The following TLN2 variants were observed in gnomAD, a reference collection of about 807,000 sequenced individuals.
TLN2 encodes the protein talin-2.
Under a neutral mutation model 294.7 loss-of-function variants are expected in TLN2, and 118 were observed. That is an observed-to-expected ratio of 0.40 (90% CI 0.34 to 0.47). The LOEUF (loss-of-function observed/expected upper bound fraction) is 0.47. TLN2 is among the 20% of genes least tolerant of loss of function. TLN2 has a pLI of 0.84. For missense variants in TLN2, 3,083 were observed against 3,282.2 expected (o/e 0.94, Z 1.48); for synonymous variants, 1,431 against 1,304.5 (o/e 1.10, Z -2.09).
chr15:62,721,195 G>T (rs1485224197), intron 25 of TLN2, among the ~76,000 whole-genome samples: 1 of 152,162 alleles, frequency 6.6e-6, no homozygotes, highest in Non-Finnish European at 1.5e-5. Flanking sequence ...TGAATTGACA[G>T]ATCAAAAAGT....
chr15:62,780,412 C>T (rs1378228011), intron 43 of TLN2, among the ~76,000 whole-genome samples: 1 of 152,176 alleles, frequency 6.6e-6, no homozygotes, highest in East Asian at 1.9e-4. Flanking sequence ...CTGGAAGTTA[C>T]CACTGAAGGA....
chr15:62,722,385 C>T lies in TLN2; in HGVS notation c.3024C>T (p.Ala1008=), dbSNP rs199685886. 24 of 1,612,874 alleles carry T rather than the reference C, an allele frequency of 1.5e-5. No individual in the cohort carries two copies. The highest frequency in any genetic ancestry group is 6.7e-5 in the East Asian group (3 of 44,888). ...GCAAGATGGTGTCCTCTGCCAAAGC[C>T]GCAGTGCCCACCGTGAGTGACCAGG... The part of the protein sequence containing the change: ...PGSKMVSSAK[A]AVPTVSDQAA... The change falls in exon 26 of 59, where the codon GCC becomes GCT. Residue 1008 remains alanine (A), a synonymous_variant. Transcript: ENST00000636159.
chr15:62,629,065 C>T (rs760860920), intron 3 of TLN2, among the ~76,000 whole-genome samples: 2 of 152,086 alleles, frequency 1.3e-5, no homozygotes, highest in Non-Finnish European at 2.9e-5. Context: ...GGCATAGTAG[C>T]ACATACCTGT....
Position 62,727,263 on chromosome 15 carries a change from C to A in TLN2, c.3358+74C>A, listed in dbSNP as rs2060489087. 3.7e-6 allele frequency: 5 copies of A among 1,351,290 alleles called. No individual in the cohort carries two copies. The East Asian group carries it at 9.6e-5, about 26-fold the overall frequency. 83.7% of individuals were successfully genotyped at this position (1,351,290 alleles called of 1,614,324 possible). On this transcript the variant is annotated intron_variant, in intron 28 of 58. Coordinates refer to ENST00000636159, the MANE Select transcript of TLN2 (RefSeq NM_015059.3). ...GTGTAGTGGGGGAGGAGGAGGAGTTCATTCCTTTGACAATACACGTGACAT... is the reference window on the plus strand; with the variant it reads ...GTGTAGTGGGGGAGGAGGAGGAGTTAATTCCTTTGACAATACACGTGACAT...
chr15:62,650,366 T>C (rs921876726), intron 5 of TLN2, among the ~76,000 whole-genome samples, 185 bp downstream of exon 5: 1 of 152,214 alleles, frequency 6.6e-6, no homozygotes, highest in African/African-American at 2.4e-5. Context: ...TGAGATTCCA[T>C]AGAAGGATTG....
intron 1 of TLN2, among the ~76,000 whole-genome samples, chr15:62,442,031 AGTT>A (rs949573943): frequency 2.0e-5 from 3 of 152,112 alleles, no homozygotes; most frequent in African/African-American, 4.8e-5. Context: ...TAGTGCTGTG[AGTT>A]GTTCTAACAA....
chr15:62,589,040 T>G lies in TLN2; in HGVS notation c.-237-647T>G, dbSNP rs1002791928. Among the ~76,000 whole-genome samples, 3 of 152,088 alleles carry G rather than the reference T, an allele frequency of 2.0e-5. No individual in the cohort carries two copies. In the South Asian group the frequency reaches 6.2e-4, roughly 32 times the overall value. Reference sequence around the variant, plus strand: ...TTGATTGCACGTACTTGGGACTGTTTCATATGAATCCTGTATCTGGATGTT... The same window carrying G: ...TTGATTGCACGTACTTGGGACTGTTGCATATGAATCCTGTATCTGGATGTT... On this transcript the variant is annotated intron_variant, in intron 1 of 58. Coordinates refer to ENST00000636159, the MANE Select transcript of TLN2 (RefSeq NM_015059.3).
chr15:62,612,028 ATGACTTCAAAT>A (rs2140826064), intron 2 of TLN2, among the ~76,000 whole-genome samples: 1 of 152,262 alleles, frequency 6.6e-6, no homozygotes, highest in East Asian at 1.9e-4. Flanking sequence ...CCCCAACTTG[ATGACTTCAAAT>A]TGGGATACAG....
intron 1 of TLN2, among the ~76,000 whole-genome samples, chr15:62,493,653 C>T (rs1451438698): frequency 6.7e-6 from 1 of 149,526 alleles, no homozygotes; most frequent in African/African-American, 2.5e-5. Flanking sequence ...CTCTGTTGAC[C>T]AGGCTGGAGT....
intron 1 of TLN2, among the ~76,000 whole-genome samples, chr15:62,482,193 T>C (rs1176885225): frequency 1.3e-5 from 2 of 152,196 alleles, no homozygotes; most frequent in Non-Finnish European, 2.9e-5. Flanking sequence ...CCTTGCAATA[T>C]ATAAAAACAT....
intron 22 of TLN2, among the ~76,000 whole-genome samples, chr15:62,714,622 A>T (rs111812587): frequency 6.6e-6 from 1 of 152,208 alleles, no homozygotes; most frequent in African/African-American, 2.4e-5. Context: ...ATGAGACAAC[A>T]TTAAGTGTTT....
intron 1 of TLN2, among the ~76,000 whole-genome samples, chr15:62,430,171 A>G (rs557628792): frequency 6.6e-6 from 1 of 152,306 alleles, no homozygotes; most frequent in Non-Finnish European, 1.5e-5. Flanking sequence ...TTCTGTTGTA[A>G]GCTAGCATTT....
chr15:62,397,611 G>C (rs2032660052), intron 1 of TLN2, among the ~76,000 whole-genome samples: 1 of 152,142 alleles, frequency 6.6e-6, no homozygotes, highest in Non-Finnish European at 1.5e-5. Flanking sequence ...ATCCTGATGG[G>C]AGATCCAGAA....
At chr15:62,416,497 A>C (rs950421274) in intron 1 of TLN2, among the ~76,000 whole-genome samples, 1 of 152,204 alleles carries the variant, frequency 6.6e-6, no homozygotes, top group African/African-American at 2.4e-5. Context: ...AGCTAAGTAG[A>C]TACAACTCAT....
intron 1 of TLN2, among the ~76,000 whole-genome samples, chr15:62,589,463 C>T (rs151154455): frequency 9.1e-4 from 138 of 152,298 alleles, no homozygotes; most frequent in East Asian, 7.5e-3. Context: ...TGTGTTTTGT[C>T]TCTCTGCCAG....
intron 1 of TLN2, among the ~76,000 whole-genome samples, chr15:62,401,320 C>T (rs8030910): frequency 0.084 from 12,856 of 152,206 alleles, 1,229 homozygotes; most frequent in African/African-American, 0.24. Context: ...GACAGGGTCT[C>T]GCTCTATCAC....
chr15:62,813,088 T>G (rs1596089100), intron 52 of TLN2, among the ~76,000 whole-genome samples: 1 of 151,938 alleles, frequency 6.6e-6, no homozygotes, highest in African/African-American at 2.4e-5. Context: ...GGAGGGAGAG[T>G]GACCACTACT....
intron 54 of TLN2, chr15:62,831,676 T>C (rs1252918905): frequency 3.3e-5 from 5 of 152,120 alleles, no homozygotes; most frequent in African/African-American, 1.2e-4. Flanking sequence ...CAAGACTTGG[T>C]CAGCAATAAG....
At chr15:62,583,692 C>T (rs1022245249) in intron 1 of TLN2, among the ~76,000 whole-genome samples, 5 of 152,154 alleles carry the variant, frequency 3.3e-5, no homozygotes, top group Admixed American at 2.6e-4. Flanking sequence ...TGTTTAAGAA[C>T]AGCTTATTTA....
Sources: allele counts gnomAD v4.1 joint callset (sites outside exome capture counted in the v4.1 genomes callset), GRCh38; gene constraint gnomAD v4.1.1; transcripts MANE v1.5; gene names NCBI Gene and HGNC (gene_info 2026-07-23, HGNC 2026-07-21).